Variants in CDKAL1 observed in about 807,000 individuals in gnomAD.
CDKAL1 encodes the protein CDKAL1 threonylcarbamoyladenosine tRNA methylthiotransferase, also known as threonylcarbamoyladenosine tRNA methylthiotransferase.
In CDKAL1, 32 loss-of-function variants were observed where a neutral mutation model predicts 68.2. The ratio of observed to expected loss-of-function variants is 0.47; its 90% CI spans 0.35 to 0.63. The LOEUF is 0.63. Ranked by LOEUF, CDKAL1 falls within the 30% of genes least tolerant of loss-of-function variation. The pLI is 0.00. For synonymous variants in CDKAL1, 234 were observed against 244.3 expected, an observed-to-expected ratio of 0.96 and a Z score of 0.39; for missense variants, 606 against 696.7, an observed-to-expected ratio of 0.87 and a Z score of 1.47.
chr6:20,804,209 A>G lies in CDKAL1; in HGVS notation c.638+22944A>G, dbSNP rs182778714. 3.4e-3 allele frequency among the ~76,000 whole-genome samples: 521 copies of G among 152,362 alleles called. 3 individuals carry two copies. Among genetic ancestry groups the G allele is most frequent in the Non-Finnish European group, 3.8e-3 (256 of 68,040 alleles). ...CAGTAAAAATGACTTAATTGAGTGCATACTATTGTGCCAGCTATGATGGTA... is the reference window on the plus strand; with the variant it reads ...CAGTAAAAATGACTTAATTGAGTGCGTACTATTGTGCCAGCTATGATGGTA... On this transcript the variant is annotated intron_variant, in intron 8 of 15. Transcript: ENST00000274695.
intron 15 of CDKAL1, among the ~76,000 whole-genome samples, chr6:21,216,916 G>C (rs1779356542): frequency 6.6e-6 from 1 of 152,146 alleles, no homozygotes; most frequent in South Asian, 2.1e-4. Flanking sequence ...GGGTTGGCCA[G>C]AGTGTACAGC....
chr6:21,144,332 C>A (rs1776060403), intron 13 of CDKAL1, among the ~76,000 whole-genome samples: 1 of 152,136 alleles, frequency 6.6e-6, no homozygotes, highest in South Asian at 2.1e-4. Flanking sequence ...ATGTTATATT[C>A]CCTGCAGCAG....
Position 20,739,595 on chromosome 6 carries a change from A to G in CDKAL1, c.448A>G (p.Lys150Glu), listed in dbSNP as rs961384074. ...PQAQPRQDYL[K>E]GLSIIGVQQI... ...AGCCCAGCCTCGCCAGGACTACCTT[A>G]AGGGACTGAGTATCATTGGGGTAAG... The change falls in exon 6 of 16, where the codon AAG (lysine) becomes GAG (glutamate). Residue 150 changes from lysine to glutamate, a missense_variant. Coordinates refer to ENST00000274695, the MANE Select transcript of CDKAL1 (RefSeq NM_017774.3). The G allele has an allele frequency of 2.5e-6, 4 of 1,610,468 alleles. No homozygotes were observed. Among genetic ancestry groups the G allele is most frequent in the Non-Finnish European group, 3.4e-6 (4 of 1,177,110 alleles).
chr6:20,911,047 G>T (rs1034774037), intron 9 of CDKAL1, among the ~76,000 whole-genome samples: 1 of 152,192 alleles, frequency 6.6e-6, no homozygotes, highest in Admixed American at 6.5e-5. Flanking sequence ...CACCCTGTTC[G>T]TAGTACTTTG....
At chr6:20,957,302 A>G (rs1764826977) in intron 10 of CDKAL1, among the ~76,000 whole-genome samples, 1 of 152,246 alleles carries the variant, frequency 6.6e-6, no homozygotes, top group Non-Finnish European at 1.5e-5. Context: ...AACTAACCAA[A>G]TACTCCTTGG....
At chr6:20,710,340 C>G (rs1468056611) in intron 5 of CDKAL1, among the ~76,000 whole-genome samples, 1 of 152,126 alleles carries the variant, frequency 6.6e-6, no homozygotes, top group East Asian at 1.9e-4. Flanking sequence ...AACACAAATA[C>G]TTAGCTTTGT....
intron 5 of CDKAL1, among the ~76,000 whole-genome samples, chr6:20,665,843 G>T (rs1401534616): frequency 1.3e-5 from 2 of 151,902 alleles, no homozygotes; most frequent in Non-Finnish European, 2.9e-5. Context: ...TGTTAAGTGG[G>T]GCTTTCAGAA....
intron 5 of CDKAL1, among the ~76,000 whole-genome samples, chr6:20,669,464 A>G (rs1769707329): frequency 1.3e-5 from 2 of 152,174 alleles, no homozygotes; most frequent in African/African-American, 2.4e-5. Context: ...GACTTGGCCA[A>G]TGGAAATGTC....
At chr6:20,928,121 C>T (rs1763262774) in intron 9 of CDKAL1, among the ~76,000 whole-genome samples, 1 of 152,118 alleles carries the variant, frequency 6.6e-6, no homozygotes, top group African/African-American at 2.4e-5. Flanking sequence ...TCTTGTAGTA[C>T]TTAAGACACT....
At chr6:20,942,752 C>T (rs1372898603) in intron 9 of CDKAL1, among the ~76,000 whole-genome samples, 3 of 149,778 alleles carry the variant, frequency 2.0e-5, no homozygotes, top group Non-Finnish European at 4.4e-5. Flanking sequence ...GTCAGAAGAT[C>T]GAGACCATCC....
At chr6:21,152,895 G>A (rs536146857) in intron 13 of CDKAL1, among the ~76,000 whole-genome samples, 28 of 152,262 alleles carry the variant, frequency 1.8e-4, no homozygotes, top group Non-Finnish European at 3.1e-4. Context: ...GCGGCCTTGC[G>A]CATCAGTGTT....
intron 11 of CDKAL1, among the ~76,000 whole-genome samples, chr6:21,032,007 G>A (rs1769314133): frequency 6.6e-6 from 1 of 152,030 alleles, no homozygotes; most frequent in Non-Finnish European, 1.5e-5. Context: ...TATAGACACA[G>A]TATCCATGCC....
intron 4 of CDKAL1, among the ~76,000 whole-genome samples, chr6:20,582,054 A>G (rs1213827026): frequency 1.3e-5 from 2 of 152,198 alleles, no homozygotes; most frequent in East Asian, 1.9e-4. Flanking sequence ...AGGATCAAAT[A>G]TTTTCCTCAT....
chr6:20,788,807 G>C (rs1157866275), intron 8 of CDKAL1, among the ~76,000 whole-genome samples: 1 of 152,038 alleles, frequency 6.6e-6, no homozygotes, highest in Non-Finnish European at 1.5e-5. Flanking sequence ...GTGAGGTTAC[G>C]ACTTTATGCT....
intron 4 of CDKAL1, among the ~76,000 whole-genome samples, chr6:20,648,651 C>G (rs569411792): frequency 6.6e-6 from 1 of 152,106 alleles, no homozygotes; most frequent in Non-Finnish European, 1.5e-5. Flanking sequence ...TTATGGTAAT[C>G]CTATTTTAAT....
rs866980974 is a variant in CDKAL1 at position 20,594,232 on chromosome 6, G to A, written c.286+45527G>A. ...CTGAGTTCAAGTCCTGAATATCCTT[G>A]TTAATTTTCTGTCTTGTTGATCTGT... On this transcript the variant is annotated intron_variant, in intron 4 of 15. Transcript: ENST00000274695. Among the ~76,000 whole-genome samples the A allele has an allele frequency of 1.2e-4, 18 of 152,292 alleles. No homozygotes were observed. The Middle Eastern group carries it at 0.014, about 115-fold the overall frequency.
chr6:20,642,960 A>G (rs889778813), intron 4 of CDKAL1, among the ~76,000 whole-genome samples: 7 of 152,114 alleles, frequency 4.6e-5, no homozygotes, highest in African/African-American at 1.4e-4. Context: ...GTAAATAATA[A>G]GATATTGAAA....
At chr6:20,914,215 G>A (rs951527088) in intron 9 of CDKAL1, among the ~76,000 whole-genome samples, 1 of 151,866 alleles carries the variant, frequency 6.6e-6, no homozygotes, top group African/African-American at 2.4e-5. Flanking sequence ...GCATGAACCT[G>A]GGAGGCGCAG....
chr6:21,157,098 C>T (rs1262921460), intron 13 of CDKAL1, among the ~76,000 whole-genome samples: 1 of 152,150 alleles, frequency 6.6e-6, no homozygotes, highest in African/African-American at 2.4e-5. Flanking sequence ...TGGCAGAATT[C>T]AGCCGACATA....
Sources: gnomAD v4.1 joint callset for allele counts (sites outside exome capture counted in the v4.1 genomes callset) on GRCh38, gnomAD v4.1.1 for gene constraint, MANE v1.5 for transcripts, NCBI Gene and HGNC (gene_info 2026-07-23, HGNC 2026-07-21) for gene names.